Variants in COMMD1 observed in about 807,000 individuals in gnomAD.
COMMD1 encodes copper metabolism domain containing 1, also known as COMM domain-containing protein 1.
COMMD1 carries 10 observed loss-of-function variants against 17.2 expected under a neutral mutation model. That is an observed-to-expected ratio of 0.58 (90% CI 0.36 to 0.99). The LOEUF is 0.99. COMMD1 is among the 50% of genes least tolerant of loss of function. The probability of loss-of-function intolerance (pLI) is 0.01; values close to 1 mark genes in which losing one functional copy is unlikely to be tolerated. For synonymous variants in COMMD1, 97 were observed against 91.6 expected (o/e 1.06, Z -0.34); for missense variants, 270 against 231.8 (o/e 1.17, Z -1.07).
chr2:62,047,067 G>A (rs755260485), intron 2 of COMMD1, among the ~76,000 whole-genome samples: 9 of 152,136 alleles, frequency 5.9e-5, no homozygotes, highest in Admixed American at 3.3e-4. Flanking sequence ...CCCTACCCCC[G>A]AGTCCCTTAC....
intron 1 of COMMD1, among the ~76,000 whole-genome samples, chr2:61,943,881 G>A (rs1045584812): frequency 6.6e-6 from 1 of 152,070 alleles, no homozygotes; most frequent in African/African-American, 2.4e-5. Flanking sequence ...GCTCCTGTAT[G>A]CATTTCCTGG....
intron 1 of COMMD1, among the ~76,000 whole-genome samples, chr2:61,961,001 G>C (rs75034228): frequency 0.12 from 18,974 of 152,146 alleles, 1,523 homozygotes; most frequent in Non-Finnish European, 0.18. Context: ...CTCTTCTCCC[G>C]GGGGCTGCCG....
At chr2:61,936,658 T>G (rs1670614373) in intron 1 of COMMD1, among the ~76,000 whole-genome samples, 2 of 152,212 alleles carry the variant, frequency 1.3e-5, no homozygotes, top group South Asian at 4.1e-4. Context: ...GGTCTTGAAC[T>G]CCTGGGCTCA....
At chr2:61,994,987 T>G (rs919583439) in intron 1 of COMMD1, among the ~76,000 whole-genome samples, 4 of 152,154 alleles carry the variant, frequency 2.6e-5, no homozygotes, top group African/African-American at 9.7e-5. Flanking sequence ...AGGCTTACCC[T>G]GGGGACTAAG....
At chr2:62,072,809 A>G (rs1047216063) in intron 2 of COMMD1, among the ~76,000 whole-genome samples, 3 of 152,214 alleles carry the variant, frequency 2.0e-5, no homozygotes. Context: ...ACACCCTTGT[A>G]CGGGGCTCAT....
chr2:62,135,903 G>A lies in COMMD1; in HGVS notation c.535G>A (p.Glu179Lys), dbSNP rs777579603. Reference protein sequence around the residue: ...NQILKTLSEVEESISTLISQP... With the variant: ...NQILKTLSEVKESISTLISQP... Reference sequence around the variant, plus strand: ...AATTCTGAAGACGCTGTCAGAGGTAGAAGAAAGTATCAGCACACTGATCAG... The same window carrying A: ...AATTCTGAAGACGCTGTCAGAGGTAAAAGAAAGTATCAGCACACTGATCAG... The change falls in exon 3 of 3, where the codon GAA becomes AAA. Residue 179 changes from glutamate (E) to lysine (K), a missense_variant. Transcript: ENST00000311832. 1.2e-6 allele frequency: 2 copies of A among 1,604,046 alleles called. No individual in the cohort carries two copies. Among genetic ancestry groups the A allele is most frequent in the South Asian group, 2.2e-5 (2 of 90,882 alleles).
intron 2 of COMMD1, among the ~76,000 whole-genome samples, chr2:62,030,906 C>A (rs1175060544): frequency 2.0e-5 from 3 of 151,828 alleles, no homozygotes; most frequent in Non-Finnish European, 2.9e-5. Context: ...TTCATTTACA[C>A]CCCCCAGGTT....
intron 1 of COMMD1, among the ~76,000 whole-genome samples, chr2:61,913,592 A>G (rs558781670): frequency 5.3e-5 from 8 of 150,154 alleles, no homozygotes; most frequent in African/African-American, 7.3e-5. Context: ...ACTAAAAATT[A>G]GCTCTACTAA....
chr2:62,055,996 C>G (rs1670688908), intron 2 of COMMD1, among the ~76,000 whole-genome samples: 2 of 152,158 alleles, frequency 1.3e-5, no homozygotes, highest in African/African-American at 4.8e-5. Flanking sequence ...TTGTTGCCAA[C>G]CAACACCATA....
At chr2:62,103,770 T>G (rs1039811511) in intron 2 of COMMD1, among the ~76,000 whole-genome samples, 13 of 152,214 alleles carry the variant, frequency 8.5e-5, no homozygotes, top group African/African-American at 3.1e-4. Context: ...ATCAGCAATG[T>G]AAACAGAAAT....
At chr2:62,045,410 A>G (rs1670351271) in intron 2 of COMMD1, among the ~76,000 whole-genome samples, 1 of 152,182 alleles carries the variant, frequency 6.6e-6, no homozygotes, top group African/African-American at 2.4e-5. Context: ...ATTTATAGAA[A>G]CTATACCTAT....
intron 2 of COMMD1, among the ~76,000 whole-genome samples, chr2:62,084,642 T>C (rs1671610430): frequency 6.6e-6 from 1 of 152,236 alleles, no homozygotes; most frequent in Admixed American, 6.5e-5. Flanking sequence ...TCTTTTTTTG[T>C]AATGAGGTAA....
At chr2:62,088,035 G>A (rs1040477705) in intron 2 of COMMD1, among the ~76,000 whole-genome samples, 2 of 152,032 alleles carry the variant, frequency 1.3e-5, no homozygotes, top group Non-Finnish European at 2.9e-5. Context: ...ACCAGAGTCC[G>A]CATCCTCTTT....
At chr2:61,919,096 C>T (rs1417821360) in intron 1 of COMMD1, among the ~76,000 whole-genome samples, 2 of 151,938 alleles carry the variant, frequency 1.3e-5, no homozygotes, top group Admixed American at 1.3e-4. Flanking sequence ...ACCGAAGACT[C>T]TGCCTCTCAG....
At chr2:61,936,566 C>A (rs1408999103) in intron 1 of COMMD1, among the ~76,000 whole-genome samples, 2 of 152,086 alleles carry the variant, frequency 1.3e-5, no homozygotes, top group African/African-American at 4.8e-5. Context: ...ATATTATGGA[C>A]AGTGAGTGCA....
At chr2:62,062,575 GT>G (rs911883978) in intron 2 of COMMD1, among the ~76,000 whole-genome samples, 8 of 151,828 alleles carry the variant, frequency 5.3e-5, no homozygotes, top group African/African-American at 1.9e-4. Flanking sequence ...CTGACCAGTG[GT>G]TTTTGCCTAA....
intron 1 of COMMD1, among the ~76,000 whole-genome samples, chr2:61,929,325 G>A (rs563463473): frequency 1.3e-5 from 2 of 152,192 alleles, no homozygotes; most frequent in East Asian, 1.9e-4. Context: ...GGGCGTTCCC[G>A]GCTCTATTTT....
At chr2:61,933,394 T>A (rs1572976335) in intron 1 of COMMD1, among the ~76,000 whole-genome samples, 1 of 150,918 alleles carries the variant, frequency 6.6e-6, no homozygotes, top group South Asian at 2.1e-4. Context: ...GTGTGGGGGG[T>A]AAGGACGTGG....
At chr2:62,076,387 C>A (rs773961458) in intron 2 of COMMD1, among the ~76,000 whole-genome samples, 1 of 152,146 alleles carries the variant, frequency 6.6e-6, no homozygotes, top group Non-Finnish European at 1.5e-5. Flanking sequence ...ATGTCTTTGG[C>A]CTAAGCCTTG....
Sources: gnomAD v4.1 joint callset for allele counts (sites outside exome capture counted in the v4.1 genomes callset) on GRCh38, gnomAD v4.1.1 for gene constraint, MANE v1.5 for transcripts, NCBI Gene and HGNC (gene_info 2026-07-23, HGNC 2026-07-21) for gene names.